The following RANBP10 variants were observed in gnomAD, a reference collection of about 807,000 sequenced individuals.
The protein encoded by RANBP10 is RAN binding protein 10.
In RANBP10, 24 loss-of-function variants were observed where a neutral mutation model predicts 72.8. That is an observed-to-expected ratio of 0.33 (90% CI 0.24 to 0.46). The LOEUF is 0.46. Among genes scored for constraint, RANBP10 ranks in the 20% least tolerant of loss-of-function variants. The probability of loss-of-function intolerance (pLI) is 1.00; values close to 1 mark genes in which losing one functional copy is unlikely to be tolerated. For missense variants in RANBP10, 679 were observed against 817.5 expected (o/e 0.83, Z 2.07); for synonymous variants, 310 against 322.3 (o/e 0.96, Z 0.41).
chr16:67,773,253 C>T (rs1055677532), intron 2 of RANBP10, among the ~76,000 whole-genome samples: 1 of 152,102 alleles, frequency 6.6e-6, no homozygotes, highest in African/African-American at 2.4e-5. Context: ...AGCACCTCCC[C>T]CCAACTTGTT....
rs1400705026 is a variant in RANBP10, at chr16:67,728,272, GTC to G, written c.1474+116_1474+117del. 9.9e-6 allele frequency: 11 copies of G among 1,114,650 alleles called. No individual in the cohort carries two copies. The East Asian group carries it at 1.8e-4, about 18-fold the overall frequency. 69.0% of individuals were successfully genotyped at this position (1,114,650 alleles called of 1,614,324 possible). Reference sequence around the variant, plus strand: ...ATCGGCTAAGGAGGCTGTGGACCAGGTCTGGCTGAAGCTTCTCAAGATGCCAA... The same window carrying G: ...ATCGGCTAAGGAGGCTGTGGACCAGGTGGCTGAAGCTTCTCAAGATGCCAA... On this transcript the variant is annotated intron_variant, in intron 11 of 13. Coordinates refer to ENST00000317506, the MANE Select transcript of RANBP10 (RefSeq NM_020850.3).
intron 2 of RANBP10, 136 bp downstream of exon 2, chr16:67,805,291 GT>G: frequency 1.5e-6 from 1 of 654,838 alleles, no homozygotes; most frequent in Non-Finnish European, 2.6e-6. Flanking sequence ...CATGCCCACA[GT>G]CAGGAAATAA....
chr16:67,783,698 A>T (rs1472432616), intron 2 of RANBP10, among the ~76,000 whole-genome samples: 1 of 152,208 alleles, frequency 6.6e-6, no homozygotes, highest in African/African-American at 2.4e-5. Flanking sequence ...TGCAGTGCCC[A>T]GATGCAAACC....
Position 67,727,868 on chromosome 16 carries a change from G to A in RANBP10, c.1503C>T (p.Cys501=), listed in dbSNP as rs1009564886. The A allele has an allele frequency of 1.2e-5, 19 of 1,613,874 alleles. No homozygotes were observed. In the African/African-American group the frequency reaches 1.3e-4, roughly 11 times the overall value. Residue 501 remains cysteine, a synonymous_variant, in exon 12 of 14, where the codon TGC becomes TGT. Transcript: ENST00000317506. ...MDDRHPRRQL[C]GGNQAATERI... ...TTTCTGTGGCAGCCTGGTTGCCCCC[G>A]CAGAGCTGCCGCCGAGGATGCCTGT... is the stretch of plus-strand genomic sequence containing the variant.
intron 5 of RANBP10, 95 bp from the exon 6 acceptor site, chr16:67,735,137 G>A: frequency 7.9e-7 from 1 of 1,269,612 alleles, no homozygotes; most frequent in South Asian, 1.5e-5. Context: ...CCATGCTTGG[G>A]CTGGGAGAGT....
chr16:67,750,163 C>G (rs893716048), intron 3 of RANBP10, among the ~76,000 whole-genome samples: 1 of 152,192 alleles, frequency 6.6e-6, no homozygotes, highest in African/African-American at 2.4e-5. Flanking sequence ...CCTGCACAGC[C>G]CCCTAAAGCC....
intron 3 of RANBP10, among the ~76,000 whole-genome samples, chr16:67,757,677 G>A (rs1392759262): frequency 1.3e-5 from 2 of 152,198 alleles, no homozygotes; most frequent in Admixed American, 6.5e-5. Flanking sequence ...GCTCAACAAT[G>A]GATAATGGGA....
At chr16:67,776,319 G>A (rs1287974837) in intron 2 of RANBP10, among the ~76,000 whole-genome samples, 3 of 151,234 alleles carry the variant, frequency 2.0e-5, no homozygotes, top group East Asian at 3.9e-4. Flanking sequence ...AAAATTAGCC[G>A]GGTGTGGTGG....
At chr16:67,773,353 G>A (rs1025867761) in intron 2 of RANBP10, among the ~76,000 whole-genome samples, 1 of 152,184 alleles carries the variant, frequency 6.6e-6, no homozygotes, top group African/African-American at 2.4e-5. Context: ...CATGCTTCCT[G>A]TAAAGCCTGT....
chr16:67,730,195 A>G lies in RANBP10; in HGVS notation c.890-149T>C. Reference sequence around the variant, plus strand: ...CACAGGAGAGGAGGCTGGAGAAAGAACCTGACTGCCCAGCCCAACAGATCC... The same window carrying G: ...CACAGGAGAGGAGGCTGGAGAAAGAGCCTGACTGCCCAGCCCAACAGATCC... On this transcript the variant is annotated intron_variant, in intron 7 of 13. Transcript: ENST00000317506. This position sits in a 1 kb window ranked among gnomAD's most constrained non-coding sequence, Gnocchi z 4.3. 3.0e-6 allele frequency: 2 copies of G among 672,198 alleles called. No individual in the cohort carries two copies. Among genetic ancestry groups the G allele is most frequent in the Admixed American group, 2.6e-5 (1 of 38,484 alleles). 41.6% of individuals were successfully genotyped at this position (672,198 alleles called of 1,614,324 possible). A position where few individuals can be genotyped will look rare whatever the true frequency, so the allele number is the denominator to read the frequency against.
rs115105608 is a variant in RANBP10, at chr16:67,764,303, G to A, written c.400+7731C>T. Among the ~76,000 whole-genome samples, 365 of 152,210 alleles carry A rather than the reference G, an allele frequency of 2.4e-3. 3 individuals carry two copies. Among genetic ancestry groups the A allele is most frequent in the African/African-American group, 8.3e-3 (345 of 41,532 alleles). ...GACCAAGTACTTCTAAGACAGCAGC[G>A]GCTGGGCAGGCCAAGGGTAGAATTT... is the stretch of plus-strand genomic sequence containing the variant. On this transcript the variant is annotated intron_variant, in intron 3 of 13. Transcript: ENST00000317506.
chr16:67,747,757 G>A (rs1056974231), intron 3 of RANBP10, among the ~76,000 whole-genome samples: 5 of 151,360 alleles, frequency 3.3e-5, no homozygotes, highest in Admixed American at 3.3e-4. Context: ...CACCCGCCTC[G>A]GCCTCCCAAA....
chr16:67,776,461 C>CAAAAAAAAA (rs149876935), intron 2 of RANBP10, among the ~76,000 whole-genome samples: 3 of 37,912 alleles, frequency 7.9e-5, no homozygotes, highest in Non-Finnish European at 1.0e-4. Context: ...GACTCCATCT[C>CAAAAAAAAA]AAAAAAAAAA....
intron 3 of RANBP10, among the ~76,000 whole-genome samples, chr16:67,749,893 C>T (rs2054162158): frequency 6.6e-6 from 1 of 152,142 alleles, no homozygotes; most frequent in South Asian, 2.1e-4. Context: ...ACTGTGGTGG[C>T]CCCAGGCATG....
At chr16:67,803,629 A>C (rs1322961579) in intron 2 of RANBP10, among the ~76,000 whole-genome samples, 1 of 147,938 alleles carries the variant, frequency 6.8e-6, no homozygotes, top group Non-Finnish European at 1.5e-5. Context: ...CAGCCTGGGC[A>C]ACAGGAGCAA....
chr16:67,781,276 T>A (rs1043076436), intron 2 of RANBP10, among the ~76,000 whole-genome samples: 1 of 152,184 alleles, frequency 6.6e-6, no homozygotes, highest in Non-Finnish European at 1.5e-5. Flanking sequence ...AACAAACACC[T>A]GTTTACTTGA....
Position 67,725,959 on chromosome 16 carries a change from AATATATATATTTTTAT to A in RANBP10, c.*453_*468del, listed in dbSNP as rs1309445734. The A allele has an allele frequency of 6.9e-6, 1 of 144,116 alleles. No individual in the cohort carries two copies. Among genetic ancestry groups the A allele is most frequent in the Non-Finnish European group, 1.6e-5 (1 of 64,412 alleles). The allele number at this position is 144,116 out of a possible 1,614,324, so 8.9% of individuals were successfully genotyped here. A position where few individuals can be genotyped will look rare whatever the true frequency, so the allele number is the denominator to read the frequency against. On this transcript the variant is annotated 3_prime_UTR_variant, in exon 14 of 14. Coordinates refer to ENST00000317506, the MANE Select transcript of RANBP10 (RefSeq NM_020850.3). The stretch of plus-strand genomic sequence containing the variant: ...TACGATAAATACTGTCTTTTTTTTT[AATATATATATTTTTAT>A]ATATATATATATAATCTCATTTGTT...
Position 67,726,415 on chromosome 16 carries a change from C to T in RANBP10, c.*13G>A, listed in dbSNP as rs377627048. On this transcript the variant is annotated 3_prime_UTR_variant, in exon 14 of 14. Transcript: ENST00000317506. ...CCAGTGGAGGGCCAGCCAGAGCCAG[C>T]CAGCACAGTCAGCTAGTGCAAGTAG... The T allele has an allele frequency of 1.5e-5, 24 of 1,611,716 alleles. No homozygotes were observed. The highest frequency in any genetic ancestry group is 2.0e-5 in the Non-Finnish European group (23 of 1,179,142).
chr16:67,787,875 G>A (rs2054944833), intron 2 of RANBP10, among the ~76,000 whole-genome samples: 1 of 152,112 alleles, frequency 6.6e-6, no homozygotes, highest in Non-Finnish European at 1.5e-5. Flanking sequence ...AGTCTCGCCT[G>A]TTGCCCAGGT....
Sources: allele counts gnomAD v4.1 joint callset (sites outside exome capture counted in the v4.1 genomes callset), GRCh38; gene constraint gnomAD v4.1.1; non-coding constraint Gnocchi (gnomAD v3.1); transcripts MANE v1.5; gene names NCBI Gene and HGNC (gene_info 2026-07-23, HGNC 2026-07-21).